MYH10: variants seen among roughly 807,000 people sequenced by gnomAD.
MYH10 encodes myosin-10.
A neutral mutation model predicts 257.8 loss-of-function variants in MYH10; 55 were observed. That is an observed-to-expected ratio of 0.21 (90% confidence interval 0.17 to 0.27). MYH10 has a LOEUF of 0.27. Ranked by LOEUF, MYH10 falls within the 10% of genes least tolerant of loss-of-function variation. The pLI, the probability that MYH10 is intolerant of heterozygous loss-of-function variation, is 1.00. For synonymous variants in MYH10, 854 were observed against 921.7 expected, an observed-to-expected ratio of 0.93 and a Z score of 1.33; for missense variants, 1,631 against 2,500.6, an observed-to-expected ratio of 0.65 and a Z score of 7.42.
At chr17:8,538,762 T>C (rs1208069449) in intron 14 of MYH10, among the ~76,000 whole-genome samples, 1 of 152,204 alleles carries the variant, frequency 6.6e-6, no homozygotes, top group African/African-American at 2.4e-5. Flanking sequence ...TCATTGCCCG[T>C]CAGTGTCTGG....
chr17:8,529,253 C>A (rs913078685), intron 17 of MYH10, among the ~76,000 whole-genome samples: 11 of 152,168 alleles, frequency 7.2e-5, no homozygotes, highest in Non-Finnish European at 1.6e-4. Context: ...TCTCTCTCAG[C>A]GACTTAGTGA....
chr17:8,489,718 C>CACACACACACACACACACACAT, intron 35 of MYH10, among the ~76,000 whole-genome samples: 1 of 40,532 alleles, frequency 2.5e-5, no homozygotes, highest in Non-Finnish European at 7.5e-5. Flanking sequence ...AACACACACA[C>CACACACACACACACACACACAT]ACACACACAC....
chr17:8,553,403 C>G (rs1290121643), intron 8 of MYH10, among the ~76,000 whole-genome samples: 1 of 152,140 alleles, frequency 6.6e-6, no homozygotes, highest in African/African-American at 2.4e-5. Context: ...AGAATCATTT[C>G]TATTTTATTA....
chr17:8,541,962 A>C, intron 14 of MYH10, 145 bp downstream of exon 14: 1 of 757,180 alleles, frequency 1.3e-6, no homozygotes, highest in Admixed American at 3.2e-5. Flanking sequence ...TAGCTATTTT[A>C]TCAGAGTATC....
chr17:8,543,320 G>A (rs562118183), intron 13 of MYH10, among the ~76,000 whole-genome samples: 1 of 152,140 alleles, frequency 6.6e-6, no homozygotes, highest in African/African-American at 2.4e-5. Context: ...GGCAGGGGCA[G>A]TGCTTGCCTT....
At chr17:8,580,817 TG>T (rs1371714727) in intron 4 of MYH10, among the ~76,000 whole-genome samples, 6 of 152,258 alleles carry the variant, frequency 3.9e-5, no homozygotes, top group African/African-American at 1.2e-4. Context: ...CATGTCCTTG[TG>T]GGGTGCAAGG....
chr17:8,549,832 G>C (rs2151959093), intron 9 of MYH10, among the ~76,000 whole-genome samples: 1 of 151,110 alleles, frequency 6.6e-6, no homozygotes, highest in African/African-American at 2.4e-5. Context: ...CCCAGTGCCT[G>C]CGATTGAAAG....
chr17:8,570,969 G>A (rs889835595), intron 6 of MYH10, among the ~76,000 whole-genome samples: 7 of 152,104 alleles, frequency 4.6e-5, no homozygotes, highest in Non-Finnish European at 7.4e-5. Context: ...TGGACTATCC[G>A]CATGTTCATA....
chr17:8,480,743 T>C, intron 38 of MYH10: 1 of 621,732 alleles, frequency 1.6e-6, no homozygotes, highest in Admixed American at 2.4e-5. Context: ...AGGCCTGTCA[T>C]CTCTCACCTG....
intron 1 of MYH10, among the ~76,000 whole-genome samples, chr17:8,629,548 C>T (rs990561770): frequency 6.6e-6 from 1 of 152,052 alleles, no homozygotes; most frequent in Non-Finnish European, 1.5e-5. Context: ...TTCCCAGGGC[C>T]GCATCCGCCC....
chr17:8,476,011 G>A, intron 42 of MYH10, 63 bp from the exon 43 acceptor site: 1 of 1,542,142 alleles, frequency 6.5e-7, no homozygotes, highest in Non-Finnish European at 8.8e-7. Context: ...CTGTCAATAT[G>A]TTCAACCACT....
chr17:8,517,611 C>T (rs1021630671), intron 21 of MYH10, among the ~76,000 whole-genome samples: 5 of 152,232 alleles, frequency 3.3e-5, no homozygotes, highest in African/African-American at 7.2e-5. Flanking sequence ...TCTCCACCAC[C>T]ACCTTCTTGG....
At position 8,490,583 on chromosome 17, in the gene MYH10, A is replaced by C; in HGVS notation, c.4672-31T>G. 6.3e-7 allele frequency: 1 copy of C among 1,599,938 alleles called. No individual in the cohort carries two copies. The highest frequency in any genetic ancestry group is 8.6e-7 in the Non-Finnish European group (1 of 1,167,242). Reference sequence around the variant, plus strand: ...CCACCGAAGCATCAGGAAAGAGTTGACCGGGGTGGAGGCACATATGAAGAA... The same window carrying C: ...CCACCGAAGCATCAGGAAAGAGTTGCCCGGGGTGGAGGCACATATGAAGAA... On this transcript the variant is annotated intron_variant, in intron 34 of 42. Coordinates refer to ENST00000360416, the MANE Select transcript of MYH10 (RefSeq NM_001256012.3). The surrounding 1 kb of genome is among the most constrained non-coding windows in gnomAD (Gnocchi z 4.1).
chr17:8,492,755 A>G (rs754985366), intron 33 of MYH10, 21 bp downstream of exon 33: 1 of 1,610,196 alleles, frequency 6.2e-7, no homozygotes, highest in Non-Finnish European at 8.5e-7. Context: ...GCCAGGAGGA[A>G]ACGACACGTG....
intron 1 of MYH10, among the ~76,000 whole-genome samples, chr17:8,627,855 T>C (rs2085742100): frequency 1.3e-5 from 2 of 152,218 alleles, no homozygotes; most frequent in African/African-American, 4.8e-5. Context: ...AGGTAGGCAC[T>C]ATTAATATCT....
In MYH10 at chr17:8,542,180, C is replaced by A. The variant is rs552872774; in HGVS notation, c.1532G>T (p.Arg511Leu). 6.2e-7 allele frequency: 1 copy of A among 1,614,154 alleles called. No homozygotes were observed. Among genetic ancestry groups the A allele is most frequent in the East Asian group, 2.2e-5 (1 of 44,888 alleles). ...MFILEQEEYQ[R>L]EGIEWNFIDF... ...GATGAAGTTCCACTCGATGCCTTCG[C>A]GCTGGTATTCCTCTTGTTCTAGGAT... Residue 511 changes from arginine (R) to leucine (L), a missense_variant, in exon 14 of 43, where the codon CGC becomes CTC. By Grantham distance (102) the Arg-to-Leu change is moderately radical. This residue lies in a region of MYH10 where 63 missense variants were observed against 167.9 expected (regional missense o/e 0.38). Transcript: ENST00000360416.
intron 2 of MYH10, among the ~76,000 whole-genome samples, chr17:8,612,705 G>C (rs1392913231): frequency 2.6e-5 from 4 of 152,042 alleles, no homozygotes; most frequent in African/African-American, 9.7e-5. Context: ...ACCAAAATTA[G>C]CCAGGCGTGG....
chr17:8,581,678 G>T (rs1382325902), intron 4 of MYH10, among the ~76,000 whole-genome samples: 1 of 152,144 alleles, frequency 6.6e-6, no homozygotes, highest in East Asian at 1.9e-4. Flanking sequence ...ATAAAATGGG[G>T]ATAATAGCTC....
chr17:8,550,879 C>A (rs1433753472), intron 9 of MYH10, among the ~76,000 whole-genome samples: 1 of 151,916 alleles, frequency 6.6e-6, no homozygotes. Flanking sequence ...ACTGTGTCCA[C>A]TCAGGGTTAA....
Sources: allele counts gnomAD v4.1 joint callset (sites outside exome capture counted in the v4.1 genomes callset), GRCh38; gene constraint gnomAD v4.1.1; regional missense constraint gnomAD v4.1.1; non-coding constraint Gnocchi (gnomAD v3.1); transcripts MANE v1.5; gene names NCBI Gene and HGNC (gene_info 2026-07-23, HGNC 2026-07-21).